Variants in PPP3CA observed in about 807,000 individuals in gnomAD.
PPP3CA encodes CAM-PRP catalytic subunit.
A neutral mutation model predicts 66.5 loss-of-function variants in PPP3CA; 14 were observed. The observed-to-expected ratio is 0.21, with a 90% CI of 0.14 to 0.33. PPP3CA has a LOEUF of 0.33. Among genes scored for constraint, PPP3CA ranks in the 10% least tolerant of loss-of-function variants. The probability of loss-of-function intolerance (pLI) is 1.00; values close to 1 mark genes in which losing one functional copy is unlikely to be tolerated. For missense variants in PPP3CA, 317 were observed against 639.5 expected, an observed-to-expected ratio of 0.50 and a Z score of 5.44; for synonymous variants, 232 against 226.2, an observed-to-expected ratio of 1.03 and a Z score of -0.23.
chr4:101,165,967 C>A (rs1723681520), intron 2 of PPP3CA, among the ~76,000 whole-genome samples: 3 of 152,106 alleles, frequency 2.0e-5, no homozygotes, highest in South Asian at 2.1e-4. Context: ...CTTGCTAAAT[C>A]AGTTAAGTAA....
chr4:101,099,075 T>C (rs937101680), intron 4 of PPP3CA, among the ~76,000 whole-genome samples: 9 of 152,106 alleles, frequency 5.9e-5, no homozygotes, highest in Admixed American at 5.2e-4. Flanking sequence ...TATTTATACA[T>C]AAAACAAAAA....
chr4:101,281,742 C>T (rs181328133), intron 1 of PPP3CA, among the ~76,000 whole-genome samples: 1 of 152,324 alleles, frequency 6.6e-6, no homozygotes, highest in Admixed American at 6.5e-5. Context: ...CAGCATTCAA[C>T]TCAAGTAAGA....
intron 1 of PPP3CA, among the ~76,000 whole-genome samples, chr4:101,290,062 T>C (rs995377443): frequency 2.6e-5 from 4 of 152,100 alleles, no homozygotes; most frequent in African/African-American, 9.7e-5. Flanking sequence ...GACACCAACA[T>C]TGTACCTAGC....
intron 1 of PPP3CA, among the ~76,000 whole-genome samples, chr4:101,318,718 T>C (rs1188971351): frequency 1.3e-5 from 2 of 152,128 alleles, no homozygotes; most frequent in East Asian, 3.9e-4. Flanking sequence ...GAGATTCAGG[T>C]TTCATAGGTT....
intron 10 of PPP3CA, among the ~76,000 whole-genome samples, chr4:101,046,411 G>A (rs1017364276): frequency 5.9e-5 from 9 of 151,844 alleles, no homozygotes; most frequent in Non-Finnish European, 1.0e-4. Flanking sequence ...TCATTATATC[G>A]GCCATGAGCT....
intron 8 of PPP3CA, among the ~76,000 whole-genome samples, chr4:101,071,309 T>C (rs947532322): frequency 2.0e-5 from 3 of 152,230 alleles, no homozygotes; most frequent in African/African-American, 4.8e-5. Context: ...GGCACTGAGT[T>C]AGTTTTAAGT....
intron 1 of PPP3CA, among the ~76,000 whole-genome samples, chr4:101,235,939 A>C (rs1226851825): frequency 6.6e-6 from 1 of 151,922 alleles, no homozygotes; most frequent in African/African-American, 2.4e-5. Context: ...GCCTAAAAAC[A>C]AAAAGCAAGT....
At chr4:101,302,266 G>A (rs887211488) in intron 1 of PPP3CA, among the ~76,000 whole-genome samples, 5 of 152,198 alleles carry the variant, frequency 3.3e-5, no homozygotes, top group African/African-American at 1.2e-4. Flanking sequence ...CCAGGGACAA[G>A]TAATTCACCT....
At chr4:101,114,874 A>C (rs1721790974) in intron 2 of PPP3CA, among the ~76,000 whole-genome samples, 1 of 152,066 alleles carries the variant, frequency 6.6e-6, no homozygotes, top group African/African-American at 2.4e-5. Context: ...GGAAAGGAAG[A>C]GCTTCCCCCA....
Position 101,137,424 on chromosome 4 carries a change from G to A in PPP3CA, c.260-28346C>T, listed in dbSNP as rs576070713. Among the ~76,000 whole-genome samples the A allele has an allele frequency of 5.9e-5, 9 of 152,210 alleles. No individual in the cohort carries two copies. In the East Asian group the frequency reaches 1.2e-3, roughly 20 times the overall value. On this transcript the variant is annotated intron_variant, in intron 2 of 13. Transcript: ENST00000394854. ...AAAGCTGGCTGTCTCTGTGGCTGAG[G>A]AATGGTTTGCAGTTCCCAGGTGTCA...
rs1281621909 is a variant in PPP3CA at position 101,023,696 on chromosome 4, C to T, written c.*2169G>A. 1 of 152,566 alleles carries T rather than the reference C, an allele frequency of 6.6e-6. No homozygotes were observed. The highest frequency in any genetic ancestry group is 1.9e-4 in the East Asian group (1 of 5,202). The allele number at this position is 152,566 out of a possible 1,614,324, so 9.5% of individuals were successfully genotyped here. A position where few individuals can be genotyped will look rare whatever the true frequency, so the allele number is the denominator to read the frequency against. On this transcript the variant is annotated 3_prime_UTR_variant, in exon 14 of 14. Coordinates refer to ENST00000394854, the MANE Select transcript of PPP3CA (RefSeq NM_000944.5). The stretch of plus-strand genomic sequence containing the variant: ...AAAATGTCTGAATTCATTAAAATAA[C>T]CTTGGGATAGTCTTTGCCAGACTGT...
At chr4:101,202,890 A>C (rs1337535739) in intron 1 of PPP3CA, among the ~76,000 whole-genome samples, 1 of 152,006 alleles carries the variant, frequency 6.6e-6, no homozygotes. Flanking sequence ...CCTCCTCTAA[A>C]TACTACTATA....
intron 8 of PPP3CA, among the ~76,000 whole-genome samples, chr4:101,073,665 ACT>A (rs1057153080): frequency 1.2e-4 from 19 of 152,024 alleles, no homozygotes; most frequent in Admixed American, 2.0e-4. Flanking sequence ...TTCTCAGTGA[ACT>A]CTCTTAGGCT....
At chr4:101,317,492 T>A (rs1039533499) in intron 1 of PPP3CA, among the ~76,000 whole-genome samples, 3 of 152,196 alleles carry the variant, frequency 2.0e-5, no homozygotes, top group Non-Finnish European at 4.4e-5. Context: ...TTGTATTCTA[T>A]GTGTTTTAGT....
chr4:101,249,389 C>T, intron 1 of PPP3CA, among the ~76,000 whole-genome samples: 1 of 151,842 alleles, frequency 6.6e-6, no homozygotes, highest in Non-Finnish European at 1.5e-5. Context: ...ATTATTTATC[C>T]TTATTTTAAA....
chr4:101,242,322 A>G (rs1726337689), intron 1 of PPP3CA, among the ~76,000 whole-genome samples: 1 of 152,124 alleles, frequency 6.6e-6, no homozygotes, highest in African/African-American at 2.4e-5. Context: ...TTAAAATCTA[A>G]TTAAGACACA....
At chr4:101,340,103 T>C (rs995056008) in intron 1 of PPP3CA, among the ~76,000 whole-genome samples, 8 of 152,182 alleles carry the variant, frequency 5.3e-5, no homozygotes, top group South Asian at 2.1e-4. Context: ...GTACCTGAAA[T>C]TGACAAACAT....
intron 2 of PPP3CA, among the ~76,000 whole-genome samples, chr4:101,189,687 C>CAAAAAAAAA (rs554383258): frequency 4.1e-5 from 3 of 72,618 alleles, no homozygotes; most frequent in Admixed American, 1.4e-4. Context: ...TAGTGAACGG[C>CAAAAAAAAA]AAAAAAAAAA....
At chr4:101,317,851 C>T (rs1728927306) in intron 1 of PPP3CA, among the ~76,000 whole-genome samples, 1 of 152,154 alleles carries the variant, frequency 6.6e-6, no homozygotes, top group African/African-American at 2.4e-5. Flanking sequence ...ACCAACTGTG[C>T]AATCATGGGC....
Sources: allele counts gnomAD v4.1 joint callset (sites outside exome capture counted in the v4.1 genomes callset), GRCh38; gene constraint gnomAD v4.1.1; transcripts MANE v1.5; gene names NCBI Gene and HGNC (gene_info 2026-07-23, HGNC 2026-07-21).